TGFBR3: variants seen among roughly 807,000 people sequenced by gnomAD.
The protein encoded by TGFBR3 is transforming growth factor beta receptor 3, also known as transforming growth factor beta receptor type 3.
In TGFBR3, 46 loss-of-function variants were observed where a neutral mutation model predicts 87.9. That is an observed-to-expected ratio of 0.52 (90% CI 0.41 to 0.67). The LOEUF (loss-of-function observed/expected upper bound fraction) is 0.67, where lower values mean the gene tolerates loss of function less well. TGFBR3 is among the 30% of genes least tolerant of loss of function. The probability of loss-of-function intolerance (pLI) is 0.00; values close to 1 mark genes in which losing one functional copy is unlikely to be tolerated. For synonymous variants in TGFBR3, 381 were observed against 391.6 expected, an observed-to-expected ratio of 0.97 and a Z score of 0.32; for missense variants, 866 against 1,041.9, an observed-to-expected ratio of 0.83 and a Z score of 2.32.
intron 3 of TGFBR3, among the ~76,000 whole-genome samples, chr1:91,787,832 G>A (rs1376910518): frequency 1.3e-5 from 2 of 151,938 alleles, no homozygotes; most frequent in Non-Finnish European, 2.9e-5. Flanking sequence ...TGCGCCTATA[G>A]TCCCAGCTAC....
chr1:91,808,730 C>T (rs1228225720), intron 2 of TGFBR3, among the ~76,000 whole-genome samples: 2 of 152,166 alleles, frequency 1.3e-5, no homozygotes, highest in African/African-American at 2.4e-5. Context: ...CCTCAGCCTC[C>T]CAGAGTACTG....
chr1:91,814,791 T>C (rs1261930031), intron 2 of TGFBR3, among the ~76,000 whole-genome samples: 1 of 152,214 alleles, frequency 6.6e-6, no homozygotes, highest in Non-Finnish European at 1.5e-5. Context: ...AACAGAACTA[T>C]ATTTATTTTT....
At chr1:91,818,004 G>A (rs1676295971) in intron 2 of TGFBR3, among the ~76,000 whole-genome samples, 1 of 151,956 alleles carries the variant, frequency 6.6e-6, no homozygotes. Flanking sequence ...TAAGTTTAGA[G>A]TATATAAATT....
intron 3 of TGFBR3, among the ~76,000 whole-genome samples, chr1:91,770,261 C>T (rs1674329849): frequency 6.6e-6 from 1 of 151,536 alleles, no homozygotes; most frequent in African/African-American, 2.4e-5. Context: ...TGATTTTTCT[C>T]ATAAAACCCT....
intron 5 of TGFBR3, among the ~76,000 whole-genome samples, chr1:91,734,550 C>A (rs1456228724): frequency 6.6e-6 from 1 of 152,202 alleles, no homozygotes; most frequent in Non-Finnish European, 1.5e-5. Context: ...CCCTGCTCCT[C>A]CCTGTGTTTC....
At chr1:91,691,421 T>C (rs1409423816) in intron 16 of TGFBR3, among the ~76,000 whole-genome samples, 2 of 152,208 alleles carry the variant, frequency 1.3e-5, no homozygotes, top group Admixed American at 6.5e-5. Flanking sequence ...TGCACAGCTC[T>C]GAACTTCTCA....
intron 4 of TGFBR3, among the ~76,000 whole-genome samples, chr1:91,741,662 C>T (rs574668912): frequency 6.6e-6 from 1 of 152,226 alleles, no homozygotes; most frequent in East Asian, 1.9e-4. Flanking sequence ...CACCAGCATA[C>T]AAAAAGGTAC....
At chr1:91,760,229 T>TG (rs1295931357) in intron 3 of TGFBR3, among the ~76,000 whole-genome samples, 3 of 152,206 alleles carry the variant, frequency 2.0e-5, no homozygotes, top group Admixed American at 2.0e-4. Flanking sequence ...GAGACCAGCC[T>TG]GGCCAACATG....
intron 2 of TGFBR3, among the ~76,000 whole-genome samples, chr1:91,839,169 G>A (rs1042009248): frequency 9.2e-5 from 14 of 152,066 alleles, no homozygotes; most frequent in Non-Finnish European, 1.9e-4. Flanking sequence ...GTAGAGACAC[G>A]GTCTCGCTGT....
At chr1:91,825,094 A>G (rs1450720299) in intron 2 of TGFBR3, among the ~76,000 whole-genome samples, 1 of 152,256 alleles carries the variant, frequency 6.6e-6, no homozygotes, top group Non-Finnish European at 1.5e-5. Context: ...AAATAAAAAC[A>G]TAAGGATGTG....
At chr1:91,852,417 TTG>T (rs906963667) in intron 2 of TGFBR3, among the ~76,000 whole-genome samples, 14 of 152,230 alleles carry the variant, frequency 9.2e-5, no homozygotes, top group South Asian at 4.1e-4. Flanking sequence ...CATGTGTGTG[TTG>T]TGTTTGCACA....
chr1:91,757,615 A>G (rs888751537), intron 4 of TGFBR3, among the ~76,000 whole-genome samples: 9 of 152,160 alleles, frequency 5.9e-5, no homozygotes, highest in African/African-American at 1.7e-4. Context: ...TCTAGTTGGC[A>G]TTTTACTATA....
At chr1:91,719,694 C>T (rs1672292914) in intron 9 of TGFBR3, among the ~76,000 whole-genome samples, 199 bp downstream of exon 9, 1 of 150,754 alleles carries the variant, frequency 6.6e-6, no homozygotes, top group Admixed American at 6.6e-5. Context: ...GATCTGGAAC[C>T]CCCACCCCCT....
In TGFBR3 at chr1:91,683,773, T is replaced by C. The variant is rs757986605; in HGVS notation, c.2522A>G (p.Gln841Arg). ...SSAAHSIGST[Q>R]STPCSSSSTA is the part of the protein sequence containing the mutation. ...GCTGCTGCTGGAGCAAGGCGTGCTC[T>C]GCGTGCTGCCGATGCTGTGGGCAGC... The change falls in exon 17 of 17, where the codon CAG becomes CGG. Residue 841 changes from glutamine to arginine, a missense_variant. Transcript: ENST00000212355. The C allele has an allele frequency of 1.3e-5, 21 of 1,601,092 alleles. No individual in the cohort carries two copies. The highest frequency in any genetic ancestry group is 1.8e-5 in the Non-Finnish European group (21 of 1,175,760).
upstream of TGFBR3, chr1:91,886,310 C>G (rs770562714): frequency 6.7e-5 from 26 of 387,416 alleles, no homozygotes; most frequent in Middle Eastern, 4.4e-3. Context: ...TCCCGCCTCC[C>G]GCCTCCCGCC....
chr1:91,822,316 A>G (rs1446966404), intron 2 of TGFBR3, among the ~76,000 whole-genome samples: 1 of 150,764 alleles, frequency 6.6e-6, no homozygotes, highest in Non-Finnish European at 1.5e-5. Flanking sequence ...AAAAAAAAAA[A>G]AAAAAAAGAT....
chr1:91,793,454 G>GT, intron 3 of TGFBR3, among the ~76,000 whole-genome samples: 2 of 152,196 alleles, frequency 1.3e-5, no homozygotes, highest in East Asian at 3.9e-4. Context: ...CACGGTAATT[G>GT]TTTTGCTAAT....
chr1:91,758,059 G>A (rs917295493), intron 4 of TGFBR3, among the ~76,000 whole-genome samples: 4 of 152,206 alleles, frequency 2.6e-5, no homozygotes, highest in East Asian at 3.9e-4. Flanking sequence ...AAACTCAAAG[G>A]GACATGATTT....
rs566227950 is a variant in TGFBR3, at chr1:91,885,425, G to A, written c.-114+453C>T. 2.6e-5 allele frequency among the ~76,000 whole-genome samples: 4 copies of A among 152,120 alleles called. No individual in the cohort carries two copies. The East Asian group carries it at 5.9e-4, about 22-fold the overall frequency. On this transcript the variant is annotated intron_variant, in intron 1 of 16. Coordinates refer to ENST00000212355, the MANE Select transcript of TGFBR3 (RefSeq NM_003243.5). ...AAGGCACCCTGAGGGCGCGGCCAGC[G>A]GGGAACGCAAACCGCGTCCGTGCAC...
Sources: gnomAD v4.1 joint callset for allele counts (sites outside exome capture counted in the v4.1 genomes callset) on GRCh38, gnomAD v4.1.1 for gene constraint, MANE v1.5 for transcripts, NCBI Gene and HGNC (gene_info 2026-07-23, HGNC 2026-07-21) for gene names.